EIPR1: variants seen among roughly 807,000 people sequenced by gnomAD.
EIPR1 encodes EARP and GARP complex-interacting protein 1.
A neutral mutation model predicts 48.1 loss-of-function variants in EIPR1; 25 were observed. That is an observed-to-expected ratio of 0.52 (90% CI 0.38 to 0.73). The LOEUF is 0.73. Among genes scored for constraint, EIPR1 ranks in the 30% least tolerant of loss-of-function variants. The pLI is 0.00. For missense variants in EIPR1, 415 were observed against 506.2 expected (o/e 0.82, Z 1.73); for synonymous variants, 204 against 201.9 (o/e 1.01, Z -0.09).
chr2:3,261,038 G>A (rs532417979), intron 3 of EIPR1, among the ~76,000 whole-genome samples: 3 of 152,198 alleles, frequency 2.0e-5, no homozygotes, highest in Non-Finnish European at 4.4e-5. Context: ...AGCTTGGCTT[G>A]TTGATAATAA....
intron 7 of EIPR1, among the ~76,000 whole-genome samples, chr2:3,193,005 G>A (rs1572272729): frequency 1.3e-5 from 2 of 152,228 alleles, no homozygotes; most frequent in Admixed American, 1.3e-4. Flanking sequence ...GGCCTCCCGG[G>A]GCACAAGGGC....
intron 4 of EIPR1, among the ~76,000 whole-genome samples, chr2:3,220,853 C>T (rs1451977105): frequency 6.7e-6 from 1 of 149,580 alleles, no homozygotes; most frequent in Admixed American, 6.6e-5. Flanking sequence ...CGGGAACACA[C>T]GTACGCAATG....
intron 1 of EIPR1, among the ~76,000 whole-genome samples, chr2:3,356,524 C>T (rs1368762998): frequency 1.3e-5 from 2 of 152,200 alleles, no homozygotes. Context: ...TGTTTTAGGA[C>T]AAGCATTAAC....
intron 4 of EIPR1, among the ~76,000 whole-genome samples, chr2:3,253,153 C>T (rs1437347463): frequency 2.0e-5 from 3 of 152,188 alleles, no homozygotes; most frequent in East Asian, 3.9e-4. Flanking sequence ...TTTTTCCTAA[C>T]CCAGGCATCC....
intron 3 of EIPR1, among the ~76,000 whole-genome samples, chr2:3,269,242 CGCACTCAGTCATCGCACTCAGTCATG>C (rs1420072959): frequency 3.4e-4 from 52 of 151,650 alleles, no homozygotes; most frequent in Admixed American, 5.2e-4. Context: ...ACTCAGTCAT[CGCACTCAGTCATCGCACTCAGTCATG>C]GCACTCAGTC....
intron 5 of EIPR1, among the ~76,000 whole-genome samples, chr2:3,201,142 TTC>T (rs1387252539): frequency 6.6e-6 from 1 of 152,140 alleles, no homozygotes; most frequent in African/African-American, 2.4e-5. Flanking sequence ...CCTGCTCCGT[TTC>T]TCTTTCTCTC....
chr2:3,214,465 T>A, intron 4 of EIPR1: 1 of 446,656 alleles, frequency 2.2e-6, no homozygotes. Context: ...GATTCATGTG[T>A]GGAAGTCCTA....
chr2:3,357,595 G>A (rs1670759835), intron 1 of EIPR1, among the ~76,000 whole-genome samples: 1 of 152,140 alleles, frequency 6.6e-6, no homozygotes, highest in Non-Finnish European at 1.5e-5. Flanking sequence ...GTTCAAATAA[G>A]GCAAATGCCA....
chr2:3,367,958 T>A (rs186992902), intron 1 of EIPR1, among the ~76,000 whole-genome samples: 282 of 152,084 alleles, frequency 1.9e-3, no homozygotes, highest in African/African-American at 6.0e-3. Context: ...GGCAGGAGAA[T>A]GGCGTGAACC....
chr2:3,191,784 T>C (rs573464726), intron 8 of EIPR1, among the ~76,000 whole-genome samples: 6 of 152,266 alleles, frequency 3.9e-5, no homozygotes, highest in Middle Eastern at 3.4e-3. Context: ...CCCTTAGCGA[T>C]CTCCCATCTC....
intron 3 of EIPR1, among the ~76,000 whole-genome samples, chr2:3,322,708 T>C (rs1669572167): frequency 6.6e-6 from 1 of 152,174 alleles, no homozygotes; most frequent in Non-Finnish European, 1.5e-5. Context: ...CAGGGTCCGG[T>C]GAAGACAGCA....
intron 3 of EIPR1, among the ~76,000 whole-genome samples, chr2:3,297,994 T>C (rs1668652748): frequency 6.6e-6 from 1 of 152,200 alleles, no homozygotes; most frequent in African/African-American, 2.4e-5. Context: ...ATTCAACAAA[T>C]ACTTTCTCAG....
chr2:3,362,052 A>G (rs752573404), intron 1 of EIPR1, among the ~76,000 whole-genome samples: 1 of 152,220 alleles, frequency 6.6e-6, no homozygotes, highest in Non-Finnish European at 1.5e-5. Flanking sequence ...TCTGGTGCCC[A>G]GGCACATCCT....
chr2:3,240,621 A>C (rs867656339), intron 4 of EIPR1, among the ~76,000 whole-genome samples: 9 of 134,608 alleles, frequency 6.7e-5, no homozygotes, highest in East Asian at 2.3e-4. Flanking sequence ...CCTCCTAAAG[A>C]AAAGCCAGCA....
In EIPR1 at chr2:3,198,534, C is replaced by T. The variant is rs140071084; in HGVS notation, c.517-1517G>A. Among the ~76,000 whole-genome samples the T allele has an allele frequency of 2.6e-4, 40 of 152,262 alleles. No homozygotes were observed. In the East Asian group the frequency reaches 2.9e-3, roughly 11 times the overall value. On this transcript the variant is annotated intron_variant, in intron 5 of 8. Coordinates refer to ENST00000382125, the MANE Select transcript of EIPR1 (RefSeq NM_003310.5). ...CACCATCCTTGCAGAGCCTTGTTAT[C>T]GGGGGAACCCACCCCCGATAATTCA... is the stretch of plus-strand genomic sequence containing the variant.
At chr2:3,249,766 C>T (rs1572354759) in intron 4 of EIPR1, among the ~76,000 whole-genome samples, 4 of 152,200 alleles carry the variant, frequency 2.6e-5, no homozygotes, top group Admixed American at 2.6e-4. Flanking sequence ...CAAGGCCAGG[C>T]CCGGGGCCCC....
chr2:3,335,065 G>A (rs1670003497), intron 3 of EIPR1, among the ~76,000 whole-genome samples: 1 of 152,224 alleles, frequency 6.6e-6, no homozygotes, highest in African/African-American at 2.4e-5. Context: ...AGCTGAGGGT[G>A]GTCCCAGCGG....
At chr2:3,225,222 A>ATGTGTG (rs61557621) in intron 4 of EIPR1, among the ~76,000 whole-genome samples, 20,674 of 136,660 alleles carry the variant, frequency 0.15, 1,987 homozygotes, top group Admixed American at 0.22. Context: ...ACACTGTGAT[A>ATGTGTG]TGTGTGTGTG....
At chr2:3,359,435 T>C (rs377086415) in intron 1 of EIPR1, among the ~76,000 whole-genome samples, 6 of 152,250 alleles carry the variant, frequency 3.9e-5, no homozygotes, top group African/African-American at 1.4e-4. Flanking sequence ...CAAGTCTAAA[T>C]AGATCATCTG....
Sources: gnomAD v4.1 joint callset for allele counts (sites outside exome capture counted in the v4.1 genomes callset) on GRCh38, gnomAD v4.1.1 for gene constraint, MANE v1.5 for transcripts, NCBI Gene and HGNC (gene_info 2026-07-23, HGNC 2026-07-21) for gene names.